Variants in C6 observed in about 807,000 individuals in gnomAD.
C6 encodes the protein complement component C6.
C6 carries 101 observed loss-of-function variants against 112.9 expected under a neutral mutation model. The ratio of observed to expected loss-of-function variants is 0.89; its 90% confidence interval spans 0.76 to 1.06. C6 has a LOEUF of 1.06. C6 is among the 50% of genes least tolerant of loss of function. C6 has a pLI of 0.00. For synonymous variants in C6, 431 were observed against 384.1 expected (o/e 1.12, Z -1.43); for missense variants, 1,202 against 1,104.6 (o/e 1.09, Z -1.25).
Position 41,201,664 on chromosome 5 carries a change from C to T in C6, c.194G>A (p.Cys65Tyr). The T allele has an allele frequency of 6.2e-7, 1 of 1,613,586 alleles. No homozygotes were observed. Among genetic ancestry groups the T allele is most frequent in the African/African-American group, 1.3e-5 (1 of 74,942 alleles). ...ACATTCTCTAGTCTCCTGCTTGCTGCAAATCTGTTCACAAAAGTTTTCCTG... is the reference window on the plus strand; with the variant it reads ...ACATTCTCTAGTCTCCTGCTTGCTGTAAATCTGTTCACAAAAGTTTTCCTG... ...YYQENFCEQI[C>Y]SKQETRECNW... Residue 65 changes from cysteine to tyrosine, a missense_variant, in exon 3 of 18, where the codon TGC becomes TAC. Physicochemically the swap from Cys to Tyr is radical, Grantham distance 194 (BLOSUM62 -2). Transcript: ENST00000337836.
chr5:41,211,105 G>A (rs1751881240), intron 1 of C6, among the ~76,000 whole-genome samples: 1 of 152,098 alleles, frequency 6.6e-6, no homozygotes, highest in African/African-American at 2.4e-5. Context: ...GATGAAGTTG[G>A]AAACCATCAT....
chr5:41,254,945 A>C (rs1172317717), intron 1 of C6, among the ~76,000 whole-genome samples: 1 of 152,220 alleles, frequency 6.6e-6, no homozygotes, highest in Non-Finnish European at 1.5e-5. Context: ...TAAATTTTGC[A>C]AGAAATTGGT....
chr5:41,235,058 CT>C (rs11340018), intron 1 of C6, among the ~76,000 whole-genome samples: 56,549 of 124,710 alleles, frequency 0.45, 11,394 homozygotes, highest in Admixed American at 0.58. Context: ...CATTCTCATT[CT>C]TTTTTTTTTT....
chr5:41,221,803 A>G (rs1399192041), intron 1 of C6, among the ~76,000 whole-genome samples: 1 of 152,240 alleles, frequency 6.6e-6, no homozygotes, highest in Non-Finnish European at 1.5e-5. Context: ...AGTATCAACA[A>G]TATATAAATG....
At chr5:41,247,145 T>C (rs945202871) in intron 1 of C6, among the ~76,000 whole-genome samples, 2 of 152,130 alleles carry the variant, frequency 1.3e-5, no homozygotes, top group African/African-American at 4.8e-5. Flanking sequence ...ATGCTGATTC[T>C]ACCTCTCTAA....
chr5:41,194,051 C>G (rs895093865), intron 5 of C6, among the ~76,000 whole-genome samples: 11 of 152,102 alleles, frequency 7.2e-5, no homozygotes, highest in Non-Finnish European at 1.5e-4. Flanking sequence ...ATGTGGTCCT[C>G]CCCATCTGTA....
At chr5:41,248,203 T>C (rs530198516) in intron 1 of C6, among the ~76,000 whole-genome samples, 1 of 152,254 alleles carries the variant, frequency 6.6e-6, no homozygotes, top group East Asian at 1.9e-4. Flanking sequence ...ATGTAACAAC[T>C]CAAAACTATG....
intron 5 of C6, among the ~76,000 whole-genome samples, chr5:41,189,567 A>G (rs73074010): frequency 2.0e-5 from 3 of 152,222 alleles, no homozygotes; most frequent in African/African-American, 4.8e-5. Flanking sequence ...CATACAATGT[A>G]TAGTAATAAA....
Position 41,175,978 on chromosome 5 carries a change from T to G in C6, c.1168+497A>C, listed in dbSNP as rs74479016. ...TCTAGCTTAGTCGCTTGTCAAGTTTTTAACTTTTCTTTCATCATATGTTTC... is the reference window on the plus strand; with the variant it reads ...TCTAGCTTAGTCGCTTGTCAAGTTTGTAACTTTTCTTTCATCATATGTTTC... On this transcript the variant is annotated intron_variant, in intron 8 of 17. Transcript: ENST00000337836. 5.3e-3 allele frequency among the ~76,000 whole-genome samples: 800 copies of G among 152,368 alleles called. 3 individuals carry two copies. Among genetic ancestry groups the G allele is most frequent in the Admixed American group, 9.0e-3 (137 of 15,294 alleles).
rs201095376 is a variant in C6 at position 41,172,253 on chromosome 5, G to C, written c.1263C>G (p.Thr421=). The change falls in exon 9 of 18, where the codon ACC becomes ACG. Residue 421 remains threonine, a synonymous_variant. Coordinates refer to ENST00000337836, the MANE Select transcript of C6 (RefSeq NM_000065.5). Reference sequence around the variant, plus strand: ...CATGTTTCTCTGACAGCTTGTTGGTGGTGCACCTATGTTCCACTTTTGTTT... The same window carrying C: ...CATGTTTCTCTGACAGCTTGTTGGTCGTGCACCTATGTTCCACTTTTGTTT... ...AKKTKVEHRC[T]TNKLSEKHEG... The C allele has an allele frequency of 6.2e-7, 1 of 1,613,644 alleles. No homozygotes were observed. The highest frequency in any genetic ancestry group is 1.7e-5 in the Admixed American group (1 of 59,954).
At chr5:41,244,831 C>A (rs1740927670) in intron 1 of C6, among the ~76,000 whole-genome samples, 1 of 151,856 alleles carries the variant, frequency 6.6e-6, no homozygotes, top group Non-Finnish European at 1.5e-5. Flanking sequence ...TCTTAATTTT[C>A]TGAGAGTTTT....
intron 17 of C6, among the ~76,000 whole-genome samples, chr5:41,147,687 A>T (rs762074502): frequency 2.0e-5 from 3 of 152,220 alleles, no homozygotes; most frequent in East Asian, 1.9e-4. Flanking sequence ...ATTTAAGATA[A>T]TTTTTTTGGA....
At chr5:41,247,502 G>A (rs899225020) in intron 1 of C6, among the ~76,000 whole-genome samples, 21 of 152,134 alleles carry the variant, frequency 1.4e-4, no homozygotes, top group African/African-American at 4.6e-4. Flanking sequence ...TGGATCATGA[G>A]GTCAGGAGAT....
chr5:41,160,723 T>C (rs1414247335), intron 10 of C6, among the ~76,000 whole-genome samples: 5 of 152,156 alleles, frequency 3.3e-5, no homozygotes, highest in Admixed American at 2.0e-4. Context: ...TGAAACCTCA[T>C]TAAATTTGAT....
chr5:41,207,110 C>T (rs760093398), intron 1 of C6, among the ~76,000 whole-genome samples: 1 of 152,130 alleles, frequency 6.6e-6, no homozygotes, highest in East Asian at 1.9e-4. Flanking sequence ...CCCAGAATTT[C>T]GTATCCAGCC....
intron 1 of C6, among the ~76,000 whole-genome samples, chr5:41,238,494 A>T (rs1239594391): frequency 1.3e-5 from 2 of 152,200 alleles, no homozygotes; most frequent in African/African-American, 4.8e-5. Flanking sequence ...CGAAGAGGAG[A>T]ATATGGGGCA....
chr5:41,236,882 T>A (rs1263432772), intron 1 of C6, among the ~76,000 whole-genome samples: 3,124 of 139,826 alleles, frequency 0.022, 120 homozygotes, highest in African/African-American at 0.081. Context: ...CAATAAAAAA[T>A]GATAAAGGGG....
At chr5:41,144,294 G>A (rs114749030) in intron 17 of C6, among the ~76,000 whole-genome samples, 5,663 of 151,984 alleles carry the variant, frequency 0.037, 121 homozygotes, top group Middle Eastern at 0.071. Context: ...TTGAGACAGG[G>A]TCTTACTGTG....
chr5:41,257,629 C>T (rs1414592051), intron 1 of C6, among the ~76,000 whole-genome samples: 1 of 152,084 alleles, frequency 6.6e-6, no homozygotes, highest in Non-Finnish European at 1.5e-5. Flanking sequence ...GGAAGGGTTA[C>T]CACTATGAAA....
Sources: gnomAD v4.1 joint callset for allele counts (sites outside exome capture counted in the v4.1 genomes callset) on GRCh38, gnomAD v4.1.1 for gene constraint, MANE v1.5 for transcripts, NCBI Gene and HGNC (gene_info 2026-07-23, HGNC 2026-07-21) for gene names.